Variants in CCDC88C observed in about 807,000 individuals in gnomAD.
The protein encoded by CCDC88C is coiled-coil and HOOK domain protein 88C, also known as protein Daple.
A neutral mutation model predicts 198.8 loss-of-function variants in CCDC88C; 131 were observed. The ratio of observed to expected loss-of-function variants is 0.66; its 90% confidence interval spans 0.57 to 0.76. CCDC88C has a LOEUF of 0.76. Among genes scored for constraint, CCDC88C ranks in the 30% least tolerant of loss-of-function variants. The probability of loss-of-function intolerance (pLI) is 0.00; values close to 1 mark genes in which losing one functional copy is unlikely to be tolerated. For synonymous variants in CCDC88C, 1,166 were observed against 1,114.7 expected, an observed-to-expected ratio of 1.05 and a Z score of -0.92; for missense variants, 2,553 against 2,631.6, an observed-to-expected ratio of 0.97 and a Z score of 0.65.
At chr14:91,329,154 A>G (rs2139838845) in intron 10 of CCDC88C, among the ~76,000 whole-genome samples, 1 of 152,322 alleles carries the variant, frequency 6.6e-6, no homozygotes, top group East Asian at 1.9e-4. Flanking sequence ...CTTGAACTTC[A>G]CCGAAGACCT....
In CCDC88C at chr14:91,376,992, G is replaced by A. The variant is rs567699902; in HGVS notation, c.271-17281C>T. On this transcript the variant is annotated intron_variant, in intron 3 of 29. Transcript: ENST00000389857. ...CCCACCCGAGCAAAGCTGCCTGCCCGCCCCCCCTCCCTAACCAACTGCCAC... is the reference window on the plus strand; with the variant it reads ...CCCACCCGAGCAAAGCTGCCTGCCCACCCCCCCTCCCTAACCAACTGCCAC... Among the ~76,000 whole-genome samples the A allele has an allele frequency of 3.9e-3, 263 of 66,816 alleles. 3 individuals are homozygous for A. Among genetic ancestry groups the A allele is most frequent in the Middle Eastern group, 0.013 (1 of 80 alleles). 43.8% of individuals were successfully genotyped at this position (66,816 alleles called of 152,430 possible).
intron 3 of CCDC88C, among the ~76,000 whole-genome samples, chr14:91,391,777 T>A (rs1885520458): frequency 6.6e-6 from 1 of 152,096 alleles, no homozygotes; most frequent in Non-Finnish European, 1.5e-5. Context: ...AGACTCCGTC[T>A]CAAAAAGAAA....
At chr14:91,406,238 C>G (rs1207384875) in intron 3 of CCDC88C, among the ~76,000 whole-genome samples, 1 of 152,236 alleles carries the variant, frequency 6.6e-6, no homozygotes, top group East Asian at 1.9e-4. Context: ...TCACCAACAG[C>G]AGAAGTCCTC....
rs546026826 is a variant in CCDC88C, at chr14:91,281,065, T to C, written c.4699+392A>G. 1.6e-4 allele frequency: 69 copies of C among 435,430 alleles called. 2 individuals are homozygous for C. Among genetic ancestry groups the C allele is most frequent in the South Asian group, 1.1e-3 (69 of 62,492 alleles). The allele number at this position is 435,430 out of a possible 1,614,324, so 27.0% of individuals were successfully genotyped here. On this transcript the variant is annotated intron_variant, in intron 27 of 29. Transcript: ENST00000389857. ...GCTCGAATCCAATGACAAGTGCTTCTAACAATTTCCAAGACTAAATACGCC... is the reference window on the plus strand; with the variant it reads ...GCTCGAATCCAATGACAAGTGCTTCCAACAATTTCCAAGACTAAATACGCC...
chr14:91,371,497 G>A lies in CCDC88C; in HGVS notation c.271-11786C>T, dbSNP rs17127294. 0.028 allele frequency among the ~76,000 whole-genome samples: 4,312 copies of A among 152,120 alleles called. 141 individuals carry two copies. The highest frequency in any genetic ancestry group is 0.08 in the African/African-American group (3,304 of 41,458). The stretch of plus-strand genomic sequence containing the variant: ...CGGTGGCAGGAGTACAGAGGCCGGC[G>A]GTGGCAGGAGTACAGCACAGACCAA... On this transcript the variant is annotated intron_variant, in intron 3 of 29. Coordinates refer to ENST00000389857, the MANE Select transcript of CCDC88C (RefSeq NM_001080414.4). This position sits in a 1 kb window ranked among gnomAD's most constrained non-coding sequence, Gnocchi z 4.2.
intron 3 of CCDC88C, among the ~76,000 whole-genome samples, chr14:91,388,415 C>G (rs979469831): frequency 1.3e-5 from 2 of 152,206 alleles, no homozygotes; most frequent in Non-Finnish European, 2.9e-5. Flanking sequence ...GATGCTACAG[C>G]CTCCAGGCCT....
chr14:91,351,600 C>T (rs1486364140), intron 4 of CCDC88C, among the ~76,000 whole-genome samples: 3 of 152,164 alleles, frequency 2.0e-5, no homozygotes, highest in African/African-American at 7.2e-5. Context: ...GGGAGCGGCC[C>T]CTGTGGAATC....
intron 3 of CCDC88C, among the ~76,000 whole-genome samples, chr14:91,399,870 A>T (rs918055296): frequency 2.0e-5 from 3 of 150,158 alleles, no homozygotes; most frequent in East Asian, 3.9e-4. Context: ...GAAGAAGAAG[A>T]AGTAGTTGAG....
chr14:91,281,130 C>T (rs1890178615), intron 27 of CCDC88C: 1 of 501,726 alleles, frequency 2.0e-6, no homozygotes, highest in African/African-American at 1.9e-5. Flanking sequence ...GTGAGGACAG[C>T]AAGGGACCTT....
intron 18 of CCDC88C, 28 bp from the exon 19 acceptor site, chr14:91,305,954 C>A: frequency 6.2e-7 from 1 of 1,603,608 alleles, no homozygotes; most frequent in South Asian, 1.1e-5. Context: ...ATGAGCGAAT[C>A]AAACTCCAAC....
intron 22 of CCDC88C, among the ~76,000 whole-genome samples, chr14:91,296,349 C>T (rs1211046135): frequency 6.6e-6 from 1 of 152,256 alleles, no homozygotes; most frequent in East Asian, 1.9e-4. Context: ...CACACATGTC[C>T]AGCTCTTGCC....
At chr14:91,336,893 G>T (rs559514173) in intron 10 of CCDC88C, among the ~76,000 whole-genome samples, 1 of 152,256 alleles carries the variant, frequency 6.6e-6, no homozygotes. Flanking sequence ...AAGCCCGACA[G>T]CTCCACGGCA....
chr14:91,383,138 T>C (rs966257005), intron 3 of CCDC88C, among the ~76,000 whole-genome samples: 5 of 152,338 alleles, frequency 3.3e-5, no homozygotes, highest in African/African-American at 7.2e-5. Context: ...AGCTTTCTTA[T>C]AGAGCCCTAT....
intron 29 of CCDC88C, among the ~76,000 whole-genome samples, chr14:91,275,726 C>T (rs923713487): frequency 3.3e-5 from 5 of 151,536 alleles, no homozygotes; most frequent in Admixed American, 6.6e-5. Context: ...AGGCTGGTCT[C>T]GAACGCCTGA....
At chr14:91,320,335 T>C (rs1007816754) in intron 13 of CCDC88C, among the ~76,000 whole-genome samples, 1 of 152,158 alleles carries the variant, frequency 6.6e-6, no homozygotes, top group African/African-American at 2.4e-5. Context: ...GAAACCTCCA[T>C]AAAAACCCAA....
At chr14:91,312,515 T>C (rs12885179) in intron 15 of CCDC88C, among the ~76,000 whole-genome samples, 9,954 of 152,266 alleles carry the variant, frequency 0.065, 814 homozygotes, top group African/African-American at 0.19. Context: ...AAAACCCGTC[T>C]CTACTAAAAA....
rs139790147 is a variant in CCDC88C, at chr14:91,289,762, G to A, written c.4203-419C>T. 2.0e-4 allele frequency among the ~76,000 whole-genome samples: 30 copies of A among 152,228 alleles called. No homozygotes were observed. In the East Asian group the frequency reaches 5.0e-3, roughly 25 times the overall value. On this transcript the variant is annotated intron_variant, in intron 24 of 29. Transcript: ENST00000389857. ...TGAGTAATCTGGGTGAGGTGGAGAG[G>A]GCAGAGGAGAGCAGGCTGTTTGATT...
chr14:91,321,297 C>A lies in CCDC88C; in HGVS notation c.1350G>T (p.Arg450Ser). Residue 450 changes from arginine (R) to serine (S), a missense_variant, in exon 13 of 30, where the codon AGG becomes AGT. Coordinates refer to ENST00000389857, the MANE Select transcript of CCDC88C (RefSeq NM_001080414.4). ...SKNADLSDASRKSFVFELNEC... is the reference protein window; with the variant it reads ...SKNADLSDASSKSFVFELNEC... ...CGTTCAGCTCAAACACAAACGACTT[C>A]CTGGAGGCTGAAGACAAAGTCCAGT... 1 of 1,554,028 alleles carries A rather than the reference C, an allele frequency of 6.4e-7. No homozygotes were observed. The highest frequency in any genetic ancestry group is 8.7e-7 in the Non-Finnish European group (1 of 1,148,452).
At chr14:91,282,328 A>C (rs1443205799) in intron 26 of CCDC88C, among the ~76,000 whole-genome samples, 1 of 152,204 alleles carries the variant, frequency 6.6e-6, no homozygotes, top group Non-Finnish European at 1.5e-5. Flanking sequence ...TTGCTCTCTC[A>C]GACTTCCAAC....
Sources: allele counts gnomAD v4.1 joint callset (sites outside exome capture counted in the v4.1 genomes callset), GRCh38; gene constraint gnomAD v4.1.1; non-coding constraint Gnocchi (gnomAD v3.1); transcripts MANE v1.5; gene names NCBI Gene and HGNC (gene_info 2026-07-23, HGNC 2026-07-21).